Variants in CCSER1 observed in about 807,000 individuals in gnomAD.
CCSER1 encodes the protein serine-rich coiled-coil domain-containing protein 1.
CCSER1 carries 41 observed loss-of-function variants against 82.0 expected under a neutral mutation model. The ratio of observed to expected loss-of-function variants is 0.50; its 90% CI spans 0.39 to 0.65. CCSER1 has a LOEUF of 0.65. Ranked by LOEUF, CCSER1 falls within the 30% of genes least tolerant of loss-of-function variation. The pLI, the probability that CCSER1 is intolerant of heterozygous loss-of-function variation, is 0.00. For missense variants in CCSER1, 1,119 were observed against 1,064.2 expected (o/e 1.05, Z -0.72); for synonymous variants, 414 against 383.9 (o/e 1.08, Z -0.92).
chr4:90,397,252 A>C (rs1393912657), intron 3 of CCSER1, among the ~76,000 whole-genome samples: 6 of 152,208 alleles, frequency 3.9e-5, no homozygotes, highest in Admixed American at 2.6e-4. Flanking sequence ...TGTTACCTGC[A>C]AAAGGAAAAT....
intron 4 of CCSER1, among the ~76,000 whole-genome samples, chr4:90,414,415 C>T (rs938863736): frequency 6.6e-6 from 1 of 151,766 alleles, no homozygotes; most frequent in Non-Finnish European, 1.5e-5. Context: ...TTTTTTACTA[C>T]CAGACATTTC....
intron 9 of CCSER1, among the ~76,000 whole-genome samples, chr4:90,957,489 A>G (rs569774062): frequency 1.5e-5 from 2 of 134,006 alleles, no homozygotes; most frequent in African/African-American, 2.7e-5. Context: ...ATATTATAAT[A>G]TTATTATATA....
At chr4:91,115,859 A>ATATT (rs1554069630) in intron 10 of CCSER1, among the ~76,000 whole-genome samples, 32 of 102,240 alleles carry the variant, frequency 3.1e-4, no homozygotes, top group African/African-American at 1.5e-3. Flanking sequence ...ATATATATAT[A>ATATT]TTTTTTTTTA....
intron 10 of CCSER1, among the ~76,000 whole-genome samples, chr4:91,510,694 C>A (rs1759770612): frequency 6.6e-6 from 1 of 152,128 alleles, no homozygotes; most frequent in Admixed American, 6.5e-5. Context: ...TTATTGATTT[C>A]TTTAAGTTCC....
At chr4:91,454,851 A>C (rs1433558378) in intron 10 of CCSER1, among the ~76,000 whole-genome samples, 1 of 151,946 alleles carries the variant, frequency 6.6e-6, no homozygotes, top group Non-Finnish European at 1.5e-5. Context: ...CATAGTAGAC[A>C]CAGAAAATTC....
chr4:90,283,213 T>C (rs1729187717), intron 1 of CCSER1, among the ~76,000 whole-genome samples: 1 of 151,998 alleles, frequency 6.6e-6, no homozygotes, highest in South Asian at 2.1e-4. Flanking sequence ...TATTTTGTGA[T>C]TTAACACCAT....
At chr4:90,926,956 T>G (rs146990647) in intron 9 of CCSER1, among the ~76,000 whole-genome samples, 1 of 152,020 alleles carries the variant, frequency 6.6e-6, no homozygotes, top group Admixed American at 6.6e-5. Flanking sequence ...TTACATCAAA[T>G]GTATAAACAG....
chr4:91,517,785 T>TGTGTGTGTG (rs202065729), intron 10 of CCSER1, among the ~76,000 whole-genome samples: 3 of 81,492 alleles, frequency 3.7e-5, no homozygotes, highest in African/African-American at 8.6e-5. Context: ...TGTGTGTGTG[T>TGTGTGTGTG]TTAACTTTGA....
At chr4:90,592,379 T>A (rs1267927750) in intron 5 of CCSER1, among the ~76,000 whole-genome samples, 1 of 152,164 alleles carries the variant, frequency 6.6e-6, no homozygotes, top group Non-Finnish European at 1.5e-5. Context: ...TCATTCATTT[T>A]TTTTGTGTAT....
At chr4:90,391,444 GTATATATATATATATATATATATATATA>G (rs770320334) in intron 3 of CCSER1, among the ~76,000 whole-genome samples, 21 of 37,476 alleles carry the variant, frequency 5.6e-4, no homozygotes, top group South Asian at 1.1e-3. Flanking sequence ...ATATATGGGG[GTATATATATATATATATATATATATATA>G]TATATATATA....
At chr4:90,513,900 G>T (rs369897571) in intron 5 of CCSER1, among the ~76,000 whole-genome samples, 1 of 152,106 alleles carries the variant, frequency 6.6e-6, no homozygotes, top group Non-Finnish European at 1.5e-5. Flanking sequence ...GAGGTAGGAG[G>T]CAGAATAATC....
At chr4:91,476,884 T>C (rs886400173) in intron 10 of CCSER1, among the ~76,000 whole-genome samples, 12 of 151,670 alleles carry the variant, frequency 7.9e-5, no homozygotes, top group African/African-American at 2.9e-4. Context: ...GAAACTAGAT[T>C]ACTCTCTCTC....
At chr4:90,513,359 A>T (rs748542177) in intron 5 of CCSER1, among the ~76,000 whole-genome samples, 2 of 152,216 alleles carry the variant, frequency 1.3e-5, no homozygotes, top group Non-Finnish European at 2.9e-5. Flanking sequence ...AACTGATTTC[A>T]TCAATGAATT....
At chr4:90,777,270 T>C (rs1561117588) in intron 7 of CCSER1, among the ~76,000 whole-genome samples, 1 of 145,536 alleles carries the variant, frequency 6.9e-6, no homozygotes, top group Non-Finnish European at 1.5e-5. Context: ...GGCAGGAGAA[T>C]CGCTTGAACC....
At chr4:90,691,783 C>T (rs185629146) in intron 6 of CCSER1, among the ~76,000 whole-genome samples, 39 of 151,662 alleles carry the variant, frequency 2.6e-4, no homozygotes, top group African/African-American at 5.1e-4. Context: ...GTTTGGCATA[C>T]GGATTATTTC....
chr4:90,557,092 C>A (rs1243022597), intron 5 of CCSER1, among the ~76,000 whole-genome samples: 1 of 151,732 alleles, frequency 6.6e-6, no homozygotes, highest in Non-Finnish European at 1.5e-5. Context: ...GTATCCCTTC[C>A]CACCCCCTTG....
At chr4:90,926,022 A>G (rs1561374110) in intron 9 of CCSER1, among the ~76,000 whole-genome samples, 1 of 152,036 alleles carries the variant, frequency 6.6e-6, no homozygotes, top group Non-Finnish European at 1.5e-5. Context: ...ATCATAAACT[A>G]CATAACTGGA....
At chr4:90,732,262 C>T (rs976599460) in intron 7 of CCSER1, among the ~76,000 whole-genome samples, 1 of 152,172 alleles carries the variant, frequency 6.6e-6, no homozygotes, top group Non-Finnish European at 1.5e-5. Flanking sequence ...CACAGCTTCA[C>T]CTCCACATTG....
In CCSER1 at chr4:91,262,852, G is replaced by GAA. The variant is rs11465002; in HGVS notation, c.2217+176867_2217+176868dup. Among the ~76,000 whole-genome samples, 283 of 147,994 alleles carry GAA rather than the reference G, an allele frequency of 1.9e-3. 2 individuals are homozygous for GAA. Among genetic ancestry groups the GAA allele is most frequent in the African/African-American group, 6.2e-3 (252 of 40,666 alleles). On this transcript the variant is annotated intron_variant, in intron 10 of 10. Coordinates refer to ENST00000509176, the MANE Select transcript of CCSER1 (RefSeq NM_001145065.2). The stretch of plus-strand genomic sequence containing the variant: ...TTTAAACATGAGGCTCTTATCATAT[G>GAA]AAAAAAAAAACAAACATATTCAGAA...
Sources: gnomAD v4.1 joint callset for allele counts (sites outside exome capture counted in the v4.1 genomes callset) on GRCh38, gnomAD v4.1.1 for gene constraint, MANE v1.5 for transcripts, NCBI Gene and HGNC (gene_info 2026-07-23, HGNC 2026-07-21) for gene names.